ZNF674: variants seen among roughly 807,000 people sequenced by gnomAD.
ZNF674 encodes zinc finger family member 674.
In ZNF674, 2 loss-of-function variants were observed where a neutral mutation model predicts 7.0. The observed-to-expected ratio is 0.29, with a 90% CI of 0.12 to 0.90. The LOEUF is 0.90. Ranked by LOEUF, ZNF674 falls within the 40% of genes least tolerant of loss-of-function variation. The probability of loss-of-function intolerance (pLI) is 0.57; values close to 1 mark genes in which losing one functional copy is unlikely to be tolerated. For missense variants in ZNF674, 297 were observed against 415.5 expected (o/e 0.71, Z 2.48); for synonymous variants, 103 against 145.2 (o/e 0.71, Z 2.09).
chrX:46,506,859 G>A (rs1043975448), intron 5 of ZNF674, among the ~76,000 whole-genome samples: 2 of 111,625 alleles, frequency 1.8e-5, no homozygotes, highest in East Asian at 5.6e-4. Context: ...AATCCCCAGA[G>A]TGACACTGAA....
At chrX:46,502,788 C>T (rs895152894) in intron 5 of ZNF674, among the ~76,000 whole-genome samples, 1 of 112,068 alleles carries the variant, frequency 8.9e-6, no homozygotes, top group Non-Finnish European at 1.9e-5. Flanking sequence ...CATAAGGAAG[C>T]CTGCACATGG....
intron 3 of ZNF674, among the ~76,000 whole-genome samples, chrX:46,531,861 A>T (rs948565059): frequency 1.1e-4 from 12 of 111,183 alleles, no homozygotes; most frequent in Admixed American, 2.9e-4. Context: ...AAAATAAATT[A>T]AAAAAAATAA....
intron 2 of ZNF674, among the ~76,000 whole-genome samples, chrX:46,543,200 C>T (rs766637501): frequency 1.9e-4 from 21 of 111,429 alleles, no homozygotes; most frequent in South Asian, 3.7e-4. Flanking sequence ...GTGATCCATC[C>T]GCCTCAGCCT....
chrX:46,543,086 A>G (rs1475725563), intron 2 of ZNF674, among the ~76,000 whole-genome samples: 1 of 110,781 alleles, frequency 9.0e-6, no homozygotes, highest in African/African-American at 3.3e-5. Context: ...AAGTAGCTGG[A>G]ATTATAGGCA....
At chrX:46,523,993 G>C (rs1602071860) in intron 5 of ZNF674, among the ~76,000 whole-genome samples, 2 of 107,715 alleles carry the variant, frequency 1.9e-5, no homozygotes, top group East Asian at 5.9e-4. Context: ...GGTGAGCCGA[G>C]ATCGTGCCAT....
chrX:46,526,830 T>C (rs1942017471), intron 5 of ZNF674, among the ~76,000 whole-genome samples: 1 of 111,399 alleles, frequency 9.0e-6, no homozygotes, highest in African/African-American at 3.3e-5. Context: ...ATTTGTTAGA[T>C]AGGATACAAA....
chrX:46,507,249 G>A (rs1602050519), intron 5 of ZNF674, among the ~76,000 whole-genome samples: 1 of 111,305 alleles, frequency 9.0e-6, no homozygotes, highest in East Asian at 2.8e-4. Flanking sequence ...CTACTCGGGA[G>A]CCTGAGGTGG....
At chrX:46,523,022 G>T (rs1941942623) in intron 5 of ZNF674, 2 of 144,358 alleles carry the variant, frequency 1.4e-5, no homozygotes, top group Middle Eastern at 6.3e-4. Context: ...CTCAACCTGA[G>T]TGGTGATTAT....
intron 3 of ZNF674, among the ~76,000 whole-genome samples, chrX:46,530,131 C>A (rs1049344031): frequency 8.9e-6 from 1 of 111,744 alleles, no homozygotes; most frequent in African/African-American, 3.3e-5. Flanking sequence ...TATCCTGTAA[C>A]GCCCACACTT....
chrX:46,539,800 C>T lies in ZNF674; in HGVS notation c.15+2273G>A, dbSNP rs181217212. On this transcript the variant is annotated intron_variant, in intron 3 of 5. Transcript: ENST00000683375. ...ATCAGAACCATAATGACAATAGTGC[C>T]GCAGTAAGAAACCCTAGGGACAACT... Among the ~76,000 whole-genome samples, 71 of 111,927 alleles carry T rather than the reference C, an allele frequency of 6.3e-4. 1 individual carries two copies. In the East Asian group the frequency reaches 0.017, roughly 26 times the overall value.
chrX:46,501,297 C>T lies in ZNF674; in HGVS notation c.277G>A (p.Glu93Lys), dbSNP rs377519238. Reference sequence around the variant, plus strand: ...TGCCACAGAAATTTGTCTTGGCTTTCCTTGTAGTGATCTATCTGCTCGTCA... The same window carrying T: ...TGCCACAGAAATTTGTCTTGGCTTTTCTTGTAGTGATCTATCTGCTCGTCA... Reference protein sequence around the residue: ...EVDEQIDHYKESQDKFLWQAA... With the variant: ...EVDEQIDHYKKSQDKFLWQAA... The change falls in exon 6 of 6, where the codon GAA becomes AAA. Residue 93 changes from glutamate to lysine, a missense_variant. By Grantham distance (56) the Glu-to-Lys change is moderately conservative (BLOSUM62 1). Coordinates refer to ENST00000683375, the MANE Select transcript of ZNF674 (RefSeq NM_001190417.2). 2 of 1,208,471 alleles carry T rather than the reference C, an allele frequency of 1.7e-6. No individual in the cohort carries two copies. The highest frequency in any genetic ancestry group is 2.2e-6 in the Non-Finnish European group (2 of 894,844).
At chrX:46,521,349 G>A (rs1339373932) in intron 5 of ZNF674, among the ~76,000 whole-genome samples, 9 of 111,915 alleles carry the variant, frequency 8.0e-5, no homozygotes, top group Admixed American at 6.7e-4. Flanking sequence ...GACTGAGGCA[G>A]GTGGATCGCT....
chrX:46,533,213 G>C (rs758092254), intron 3 of ZNF674, among the ~76,000 whole-genome samples: 200 of 111,257 alleles, frequency 1.8e-3, no homozygotes, highest in Non-Finnish European at 3.0e-3. Context: ...CTGACGACCA[G>C]TGGCTCCACC....
intron 3 of ZNF674, among the ~76,000 whole-genome samples, chrX:46,537,986 G>A (rs941198800): frequency 9.0e-6 from 1 of 110,854 alleles, no homozygotes; most frequent in Non-Finnish European, 1.9e-5. Flanking sequence ...CTACCTGGGT[G>A]GCTGAGGTGG....
At position 46,517,587 on chromosome X, in the gene ZNF674, G is replaced by A. The variant is rs186025180; in HGVS notation, c.238+10763C>T. Among the ~76,000 whole-genome samples, 412 of 111,053 alleles carry A rather than the reference G, an allele frequency of 3.7e-3. 3 individuals are homozygous for A. The highest frequency in any genetic ancestry group is 0.013 in the African/African-American group (395 of 30,486). ...TAAAACATTTCTAATGCAGCCAGAGGAAAAAAAGGTACACTGCCTACAAGG... is the reference window on the plus strand; with the variant it reads ...TAAAACATTTCTAATGCAGCCAGAGAAAAAAAAGGTACACTGCCTACAAGG... On this transcript the variant is annotated intron_variant, in intron 5 of 5. Coordinates refer to ENST00000683375, the MANE Select transcript of ZNF674 (RefSeq NM_001190417.2).
intron 5 of ZNF674, among the ~76,000 whole-genome samples, chrX:46,519,735 C>T (rs1053520496): frequency 1.4e-4 from 16 of 111,763 alleles, no homozygotes; most frequent in Admixed American, 1.0e-3. Flanking sequence ...TATAATTGCA[C>T]TACTGGAAAT....
chrX:46,529,064 C>A, intron 3 of ZNF674, 155 bp from the exon 4 acceptor site: 1 of 999,247 alleles, frequency 1.0e-6, no homozygotes, highest in Non-Finnish European at 1.4e-6. Context: ...AGGAACTTGA[C>A]AGATGAAGAG....
chrX:46,536,146 G>A (rs1223412841), intron 3 of ZNF674, among the ~76,000 whole-genome samples: 1 of 111,713 alleles, frequency 9.0e-6, no homozygotes, highest in Non-Finnish European at 1.9e-5. Flanking sequence ...AGTCCTATTC[G>A]TATTAACAAA....
intron 3 of ZNF674, among the ~76,000 whole-genome samples, chrX:46,538,728 C>G (rs1002143764): frequency 2.7e-5 from 3 of 111,146 alleles, no homozygotes; most frequent in African/African-American, 9.8e-5. Flanking sequence ...TCCAGCTCTA[C>G]AAAAAATTGA....
Sources: allele counts gnomAD v4.1 joint callset (sites outside exome capture counted in the v4.1 genomes callset), GRCh38; gene constraint gnomAD v4.1.1; transcripts MANE v1.5; gene names NCBI Gene and HGNC (gene_info 2026-07-23, HGNC 2026-07-21).